DLEC1: variants seen among roughly 807,000 people sequenced by gnomAD.
DLEC1 encodes deleted in lung and esophageal cancer protein 1.
A neutral mutation model predicts 198.1 loss-of-function variants in DLEC1; 146 were observed. That is an observed-to-expected ratio of 0.74 (90% confidence interval 0.64 to 0.85). DLEC1 has a LOEUF of 0.85. DLEC1 is among the 40% of genes least tolerant of loss of function. DLEC1 has a pLI of 0.00. For missense variants in DLEC1, 2,233 were observed against 2,220.0 expected, an observed-to-expected ratio of 1.01 and a Z score of -0.12; for synonymous variants, 897 against 866.8, an observed-to-expected ratio of 1.03 and a Z score of -0.61.
chr3:38,096,900 G>A (rs1239841263), intron 15 of DLEC1, among the ~76,000 whole-genome samples, 163 bp downstream of exon 15: 2 of 152,152 alleles, frequency 1.3e-5, no homozygotes, highest in African/African-American at 2.4e-5. Context: ...CAGATGCATA[G>A]GCCAGGCATG....
chr3:38,096,263 G>A (rs1447009714), intron 14 of DLEC1, among the ~76,000 whole-genome samples: 1 of 152,206 alleles, frequency 6.6e-6, no homozygotes, highest in Non-Finnish European at 1.5e-5. Flanking sequence ...TGCCCCCATG[G>A]TGTAAACCTT....
In DLEC1 at chr3:38,084,025, A is replaced by T. The variant is rs1698209403; in HGVS notation, c.1174-133A>T. 5.3e-6 allele frequency: 4 copies of T among 750,786 alleles called. No homozygotes were observed. In the East Asian group the frequency reaches 9.1e-5, roughly 17 times the overall value. The allele number at this position is 750,786 out of a possible 1,614,324, so 46.5% of individuals were successfully genotyped here. ...CATGTACCCCTCAGCCAGCTTCGACAGTTACCAACATGTGGCCAAGCCTAT... is the reference window on the plus strand; with the variant it reads ...CATGTACCCCTCAGCCAGCTTCGACTGTTACCAACATGTGGCCAAGCCTAT... On this transcript the variant is annotated intron_variant, in intron 6 of 36. Transcript: ENST00000308059.
chr3:38,108,502 C>A lies in DLEC1; in HGVS notation c.3116C>A (p.Thr1039Asn), dbSNP rs1296761135. 1 of 1,613,884 alleles carries A rather than the reference C, an allele frequency of 6.2e-7. No individual in the cohort carries two copies. Among genetic ancestry groups the A allele is most frequent in the Non-Finnish European group, 8.5e-7 (1 of 1,179,962 alleles). ...GAGTGCCAGCTCAAGTTGGAGTTGA[C>A]TGCTCATACCCAGGTGAGTAAGGCA... is the stretch of plus-strand genomic sequence containing the variant. ...SEECQLKLELTAHTQEELTHL... is the reference protein window; with the variant it reads ...SEECQLKLELNAHTQEELTHL... The change falls in exon 21 of 37, where the codon ACT (threonine) becomes AAT (asparagine). Residue 1039 changes from threonine (T) to asparagine (N), a missense_variant. Coordinates refer to ENST00000308059, the MANE Select transcript of DLEC1 (RefSeq NM_007335.4).
At chr3:38,058,441 G>A (rs1018189780) in intron 2 of DLEC1, among the ~76,000 whole-genome samples, 10 of 152,094 alleles carry the variant, frequency 6.6e-5, no homozygotes, top group Admixed American at 3.9e-4. Flanking sequence ...GCGGCTAGGC[G>A]GCTGTCTTGT....
chr3:38,053,600 C>T (rs1042400358), intron 2 of DLEC1, among the ~76,000 whole-genome samples: 14 of 137,494 alleles, frequency 1.0e-4, no homozygotes, highest in South Asian at 4.8e-4. Context: ...CCCGGCCAGC[C>T]GCCCCATCCG....
Position 38,122,950 on chromosome 3 carries a change from G to T in DLEC1, c.*538G>T. 7.9e-7 allele frequency: 1 copy of T among 1,260,792 alleles called. No homozygotes were observed. Among genetic ancestry groups the T allele is most frequent in the Non-Finnish European group, 1.1e-6 (1 of 871,326 alleles). 78.1% of individuals were successfully genotyped at this position (1,260,792 alleles called of 1,614,324 possible). On this transcript the variant is annotated 3_prime_UTR_variant, in exon 37 of 37. Transcript: ENST00000308059. ...TCTGTCCACTGCCACCACCACCAGT[G>T]CTGAGTTTTCCCATGTGGTTTTGCT...
intron 6 of DLEC1, among the ~76,000 whole-genome samples, chr3:38,075,811 A>G (rs1697582439): frequency 6.6e-6 from 1 of 151,792 alleles, no homozygotes; most frequent in Admixed American, 6.6e-5. Flanking sequence ...GTGAAGGAGA[A>G]GGGGTTGAGG....
chr3:38,116,499 C>CCGGCTGGTGGAG lies in DLEC1; in HGVS notation c.3905_3916dup (p.Arg1302_Glu1305dup), dbSNP rs1700168288. On this transcript the variant is annotated inframe_insertion, in exon 28 of 37. Coordinates refer to ENST00000308059, the MANE Select transcript of DLEC1 (RefSeq NM_007335.4). ...CCTATGTTCCAGAAGACAAGGAAGACCGGCTGGTGGAGCTGCTGGTGTTTT... is the reference window on the plus strand; with the variant it reads ...CCTATGTTCCAGAAGACAAGGAAGACCGGCTGGTGGAGCGGCTGGTGGAGCTGCTGGTGTTTT... The CCGGCTGGTGGAG allele has an allele frequency of 1.3e-5, 21 of 1,613,988 alleles. No individual in the cohort carries two copies. The highest frequency in any genetic ancestry group is 1.5e-5 in the Non-Finnish European group (18 of 1,180,006).
chr3:38,118,016 A>G lies in DLEC1; in HGVS notation c.4696A>G (p.Asn1566Asp), dbSNP rs1239951260. 1 of 1,600,676 alleles carries G rather than the reference A, an allele frequency of 6.2e-7. No homozygotes were observed. The highest frequency in any genetic ancestry group is 2.3e-5 in the East Asian group (1 of 44,068). The part of the protein sequence containing the change: ...DKQLVLQAQE[N>D]MLVNVSFSLS... ...GCAGCTGGTGCTCCAAGCACAGGAG[A>G]ACATGCTGGTCAGTGGGGGAGTCTG... The change falls in exon 33 of 37, where the codon AAC (asparagine) becomes GAC (aspartate). Residue 1566 changes from asparagine (N) to aspartate (D), a missense_variant. Transcript: ENST00000308059.
chr3:38,109,721 G>C, intron 22 of DLEC1, 159 bp downstream of exon 22: 1 of 1,249,114 alleles, frequency 8.0e-7, no homozygotes, highest in South Asian at 1.5e-5. Flanking sequence ...CACTCCTGTG[G>C]GGACAGCTCC....
chr3:38,084,235 T>A lies in DLEC1; in HGVS notation c.1251T>A (p.Ala417=). ...TCCCGCCTTCCACGCCATACTTCGC[T>A]CTGGGACTGGGTAAGTTCAGTATTT... The part of the protein sequence containing the change: ...RVLPPSTPYF[A]LGLGMFPGKG... The change falls in exon 7 of 37, where the codon GCT becomes GCA. Residue 417 remains alanine (A), a synonymous_variant. Transcript: ENST00000308059. 1 of 1,612,858 alleles carries A rather than the reference T, an allele frequency of 6.2e-7. No individual in the cohort carries two copies.
intron 18 of DLEC1, among the ~76,000 whole-genome samples, chr3:38,099,953 CT>C (rs1415373279): frequency 1.3e-5 from 2 of 152,202 alleles, no homozygotes; most frequent in Non-Finnish European, 2.9e-5. Context: ...GGCTACCCCC[CT>C]AGTTTGGCTC....
intron 23 of DLEC1, among the ~76,000 whole-genome samples, chr3:38,110,525 A>C (rs1029751814): frequency 1.3e-5 from 2 of 152,096 alleles, no homozygotes; most frequent in Non-Finnish European, 2.9e-5. Flanking sequence ...GGCCTGCTGG[A>C]GTGGAGGCTT....
intron 18 of DLEC1, among the ~76,000 whole-genome samples, chr3:38,099,875 C>A (rs1699217528): frequency 6.6e-6 from 1 of 152,086 alleles, no homozygotes; most frequent in Non-Finnish European, 1.5e-5. Flanking sequence ...AGAAATCTGG[C>A]CACAATAGAC....
At chr3:38,084,283 T>G in intron 7 of DLEC1, 38 bp downstream of exon 7, 2 of 1,566,396 alleles carry the variant, frequency 1.3e-6, no homozygotes, top group Non-Finnish European at 1.8e-6. Context: ...GTAGTAGTGG[T>G]AATAGTAGTG....
intron 26 of DLEC1, 127 bp from the exon 27 acceptor site, chr3:38,114,856 A>C: frequency 1.3e-6 from 1 of 796,368 alleles, no homozygotes; most frequent in Non-Finnish European, 2.0e-6. Flanking sequence ...AGGTCTCATT[A>C]ATTCTCGAGT....
intron 25 of DLEC1, 39 bp from the exon 26 acceptor site, chr3:38,114,303 C>A: frequency 6.2e-7 from 1 of 1,604,828 alleles, no homozygotes; most frequent in South Asian, 1.1e-5. Flanking sequence ...TGGTCGCAAC[C>A]GGTGACAGGA....
In DLEC1 at chr3:38,079,446, G is replaced by C. The variant is rs1285607498; in HGVS notation, c.1174-4712G>C. ...GGTAGCCTCCGTATTGATTAAGAAG[G>C]GGACAGACTTACCTTCCACTGTGAG... On this transcript the variant is annotated intron_variant, in intron 6 of 36. Transcript: ENST00000308059. Among the ~76,000 whole-genome samples the C allele has an allele frequency of 2.0e-5, 3 of 152,216 alleles. No individual in the cohort carries two copies. The East Asian group carries it at 5.8e-4, about 29-fold the overall frequency.
chr3:38,121,558 G>A (rs1426901527), intron 34 of DLEC1, 70 bp from the exon 35 acceptor site: 2 of 1,553,720 alleles, frequency 1.3e-6, no homozygotes, highest in Non-Finnish European at 8.7e-7. Context: ...GGTCAGCAGG[G>A]TTCTGTGTGT....
Sources: gnomAD v4.1 joint callset for allele counts (sites outside exome capture counted in the v4.1 genomes callset) on GRCh38, gnomAD v4.1.1 for gene constraint, MANE v1.5 for transcripts, NCBI Gene and HGNC (gene_info 2026-07-23, HGNC 2026-07-21) for gene names.